The following ANK3 variants were observed in gnomAD, a reference collection of about 807,000 sequenced individuals.
The protein encoded by ANK3 is ankyrin 3, also known as ankyrin-3.
In ANK3, 57 loss-of-function variants were observed where a neutral mutation model predicts 370.9. The ratio of observed to expected loss-of-function variants is 0.15; its 90% CI spans 0.12 to 0.19. The LOEUF (loss-of-function observed/expected upper bound fraction) is 0.19. Ranked by LOEUF, ANK3 falls within the 10% of genes least tolerant of loss-of-function variation. The pLI is 1.00. For missense variants in ANK3, 4,439 were observed against 5,302.1 expected (o/e 0.84, Z 5.06); for synonymous variants, 1,929 against 1,946.3 (o/e 0.99, Z 0.23).
At position 60,455,740 on chromosome 10, in the gene ANK3, C is replaced by A. The variant is rs1191661693; in HGVS notation, c.96+159446G>T. ...CACCGTGATCCCATTCATAGGCTAACCCTATAGGAGGCTTTGACCATTTTT... is the reference window on the plus strand; with the variant it reads ...CACCGTGATCCCATTCATAGGCTAAACCTATAGGAGGCTTTGACCATTTTT... On this transcript the variant is annotated intron_variant, in intron 2 of 43. Transcript: ENST00000373827. 3.9e-5 allele frequency among the ~76,000 whole-genome samples: 6 copies of A among 152,256 alleles called. No individual in the cohort carries two copies. The East Asian group carries it at 1.2e-3, about 29-fold the overall frequency.
Position 60,056,000 on chromosome 10 carries a change from G to A in ANK3, c.12723C>T (p.Leu4241=), listed in dbSNP as rs865944748. The change falls in exon 42 of 44, where the codon CTC becomes CTT. Residue 4241 remains leucine (L), a synonymous_variant. Coordinates refer to ENST00000280772, the MANE Select transcript of ANK3 (RefSeq NM_020987.5). ...CTTCAAATTTGCCAGCTTCTCCTTT[G>A]AGATATGAGGTAATGGAATCTCTAC... The part of the protein sequence containing the change: ...DQCRDSITSY[L]KGEAGKFEAN... 2.5e-6 allele frequency: 4 copies of A among 1,613,400 alleles called. 1 individual carries two copies. The South Asian group carries it at 4.4e-5, about 18-fold the overall frequency.
intron 21 of ANK3, among the ~76,000 whole-genome samples, chr10:60,171,452 T>G (rs1241447784): frequency 6.6e-6 from 1 of 152,170 alleles, no homozygotes; most frequent in Non-Finnish European, 1.5e-5. Flanking sequence ...AACCATTTTC[T>G]CCTTCATGTT....
chr10:60,732,603 C>A (rs1205066660), intron 1 of ANK3, among the ~76,000 whole-genome samples: 1 of 152,182 alleles, frequency 6.6e-6, no homozygotes, highest in African/African-American at 2.4e-5. Context: ...ACGATAGCCA[C>A]CCTGCTCTGC....
At chr10:60,232,522 C>T (rs917479975) in intron 8 of ANK3, among the ~76,000 whole-genome samples, 1 of 152,194 alleles carries the variant, frequency 6.6e-6, no homozygotes, top group Non-Finnish European at 1.5e-5. Context: ...ATAATTGCTT[C>T]TTACTGGAAT....
In ANK3 at chr10:60,074,103, C is replaced by A; in HGVS notation, c.6778G>T (p.Gly2260Cys). The change falls in exon 37 of 44, where the codon GGT (glycine) becomes TGT (cysteine). Residue 2260 changes from glycine (G) to cysteine (C), a missense_variant. Gly to Cys is a radical substitution (Grantham distance 159). Coordinates refer to ENST00000280772, the MANE Select transcript of ANK3 (RefSeq NM_020987.5). ...TCAATTCTTTCAGATGCACCTTCAC[C>A]GCCTGGTGGAGAATGATAAACCATT... ...TRMVYHSPPG[G>C]EGASERIEET... 1 of 1,613,962 alleles carries A rather than the reference C, an allele frequency of 6.2e-7. No individual in the cohort carries two copies. The highest frequency in any genetic ancestry group is 1.7e-4 in the Middle Eastern group (1 of 6,054).
intron 43 of ANK3, among the ~76,000 whole-genome samples, chr10:60,034,890 C>T (rs1294910054): frequency 2.0e-5 from 3 of 152,096 alleles, no homozygotes; most frequent in Non-Finnish European, 4.4e-5. Context: ...AACTAAAATA[C>T]ACTACAGTGC....
intron 2 of ANK3, among the ~76,000 whole-genome samples, chr10:60,535,723 T>G (rs1417993643): frequency 6.6e-6 from 1 of 152,064 alleles, no homozygotes; most frequent in Non-Finnish European, 1.5e-5. Flanking sequence ...AAGAAAAATC[T>G]TATTCATTGC....
intron 2 of ANK3, among the ~76,000 whole-genome samples, chr10:60,577,166 T>C (rs931089747): frequency 2.6e-5 from 4 of 152,118 alleles, no homozygotes; most frequent in Non-Finnish European, 4.4e-5. Context: ...AGGGAATAGG[T>C]GGCCATTCTT....
intron 2 of ANK3, among the ~76,000 whole-genome samples, chr10:60,525,728 CACTTA>C (rs2076452796): frequency 3.3e-5 from 5 of 152,254 alleles, no homozygotes; most frequent in African/African-American, 1.2e-4. Flanking sequence ...TTTGGACAAT[CACTTA>C]ACTTCCTTGC....
At chr10:60,343,868 C>T (rs771892899) in intron 1 of ANK3, among the ~76,000 whole-genome samples, 14 of 152,174 alleles carry the variant, frequency 9.2e-5, no homozygotes, top group Non-Finnish European at 1.3e-4. Flanking sequence ...CTGGCTGATG[C>T]GGGGCTGGAG....
chr10:60,346,652 T>G (rs952892142), intron 1 of ANK3, among the ~76,000 whole-genome samples: 1 of 152,102 alleles, frequency 6.6e-6, no homozygotes, highest in Non-Finnish European at 1.5e-5. Flanking sequence ...CAATTACTGT[T>G]GATGTTTTAC....
intron 1 of ANK3, among the ~76,000 whole-genome samples, chr10:60,693,745 T>C (rs988309897): frequency 3.9e-4 from 60 of 152,074 alleles, no homozygotes; most frequent in African/African-American, 1.4e-3. Flanking sequence ...CAAAAACCCA[T>C]CTGTACATCA....
Position 60,070,568 on chromosome 10 carries a change from G to C in ANK3, c.10313C>G (p.Ala3438Gly). 6.2e-7 allele frequency: 1 copy of C among 1,614,052 alleles called. No individual in the cohort carries two copies. The highest frequency in any genetic ancestry group is 8.5e-7 in the Non-Finnish European group (1 of 1,180,010). Residue 3438 changes from alanine (A) to glycine (G), a missense_variant, in exon 37 of 44, where the codon GCC becomes GGC. Coordinates refer to ENST00000280772, the MANE Select transcript of ANK3 (RefSeq NM_020987.5). This position sits in a 1 kb window ranked among gnomAD's most constrained non-coding sequence, Gnocchi z 5.7. ...CCAGATATCTTTCTTAATTTCCATG[G>C]CTTGAATTGGGAGTTTAGAATCACT... is the stretch of plus-strand genomic sequence containing the variant. ...TESDSKLPIQ[A>G]MEIKKDIWNT...
chr10:60,038,361 C>A (rs373196495), intron 43 of ANK3, among the ~76,000 whole-genome samples: 1 of 152,200 alleles, frequency 6.6e-6, no homozygotes, highest in Non-Finnish European at 1.5e-5. Flanking sequence ...TGTGCTACTG[C>A]ACTCCAGCCT....
intron 16 of ANK3, among the ~76,000 whole-genome samples, chr10:60,195,172 G>C (rs2096565114): frequency 6.7e-6 from 1 of 149,370 alleles, no homozygotes; most frequent in South Asian, 2.1e-4. Context: ...TGGATCACAA[G>C]GTCAGGAGAT....
chr10:60,720,798 A>T (rs2079852802), intron 1 of ANK3, among the ~76,000 whole-genome samples: 1 of 152,054 alleles, frequency 6.6e-6, no homozygotes, highest in Non-Finnish European at 1.5e-5. Flanking sequence ...TTTTTTGTAG[A>T]GATAGGGTTT....
At chr10:60,327,207 A>G (rs1477160946) in intron 1 of ANK3, among the ~76,000 whole-genome samples, 1 of 152,128 alleles carries the variant, frequency 6.6e-6, no homozygotes, top group Admixed American at 6.5e-5. Flanking sequence ...CTTCACTTCT[A>G]TGCCTATTCT....
At chr10:60,689,331 C>T (rs762884051) in intron 1 of ANK3, among the ~76,000 whole-genome samples, 1 of 151,998 alleles carries the variant, frequency 6.6e-6, no homozygotes, top group Non-Finnish European at 1.5e-5. Flanking sequence ...CCTGGAAGGT[C>T]GAGGCTGCAG....
At chr10:60,270,812 T>C (rs1318471523) in intron 4 of ANK3, among the ~76,000 whole-genome samples, 1 of 152,188 alleles carries the variant, frequency 6.6e-6, no homozygotes, top group Non-Finnish European at 1.5e-5. Context: ...AAAAAAGAAA[T>C]GCCGATTTGC....
Sources: gnomAD v4.1 joint callset for allele counts (sites outside exome capture counted in the v4.1 genomes callset) on GRCh38, gnomAD v4.1.1 for gene constraint, Gnocchi (gnomAD v3.1) non-coding constraint, MANE v1.5 for transcripts, NCBI Gene and HGNC (gene_info 2026-07-23, HGNC 2026-07-21) for gene names.